The following KPNA7 variants were observed in gnomAD, a reference collection of about 807,000 sequenced individuals.
The protein encoded by KPNA7 is importin subunit alpha-8.
Under a neutral mutation model 53.7 loss-of-function variants are expected in KPNA7, and 54 were observed. The observed-to-expected ratio is 1.01, with a 90% CI of 0.81 to 1.26. The LOEUF (loss-of-function observed/expected upper bound fraction) is 1.26, where lower values mean the gene tolerates loss of function less well. KPNA7 is among the 50% of genes most tolerant of loss of function. The pLI, the probability that KPNA7 is intolerant of heterozygous loss-of-function variation, is 0.00. For synonymous variants in KPNA7, 276 were observed against 259.3 expected, an observed-to-expected ratio of 1.06 and a Z score of -0.62; for missense variants, 640 against 644.5, an observed-to-expected ratio of 0.99 and a Z score of 0.07.
At chr7:99,158,990 G>A in the KPNA7 span, among the ~76,000 whole-genome samples, 6 of 151,606 alleles carry the variant, frequency 4.0e-5, no homozygotes, top group African/African-American at 1.2e-4. Context: ...TCAGCCTCCC[G>A]AGTAGTTGGG....
intron 3 of KPNA7, among the ~76,000 whole-genome samples, chr7:99,199,064 T>TG (rs1554469487): frequency 4.1e-4 from 14 of 34,366 alleles, no homozygotes; most frequent in African/African-American, 6.5e-4. Flanking sequence ...TGCTGCAAAC[T>TG]GAAAAAAAAA....
chr7:99,150,726 G>A, the KPNA7 span, among the ~76,000 whole-genome samples: 1 of 152,056 alleles, frequency 6.6e-6, no homozygotes, highest in Non-Finnish European at 1.5e-5. Flanking sequence ...AGACATTCTT[G>A]TACTCATCAA....
chr7:99,200,257 C>T (rs1302616385), intron 3 of KPNA7, among the ~76,000 whole-genome samples: 1 of 151,986 alleles, frequency 6.6e-6, no homozygotes, highest in Non-Finnish European at 1.5e-5. Flanking sequence ...AGGCTGGTCT[C>T]GAACTCCTCA....
the KPNA7 span, among the ~76,000 whole-genome samples, chr7:99,152,222 C>A: frequency 5.3e-5 from 8 of 151,778 alleles, no homozygotes; most frequent in Non-Finnish European, 1.2e-4. Flanking sequence ...ATTAGCCAGG[C>A]GTGGTGGCAG....
chr7:99,185,054 T>C lies in KPNA7; in HGVS notation c.1009A>G (p.Asn337Asp), dbSNP rs867733954. The C allele has an allele frequency of 6.4e-7, 1 of 1,551,920 alleles. No individual in the cohort carries two copies. The highest frequency in any genetic ancestry group is 1.4e-5 in the African/African-American group (1 of 73,182). The change falls in exon 8 of 11, where the codon AAC (asparagine) becomes GAC (aspartate). Residue 337 changes from asparagine to aspartate, a missense_variant. Physicochemically the swap from Asn to Asp is conservative, Grantham distance 23 (BLOSUM62 1). Transcript: ENST00000327442. Reference protein sequence around the residue: ...LNVLPQLLQHNKPSIQKEAAW... With the variant: ...LNVLPQLLQHDKPSIQKEAAW... ...GCCTCCTTCTGGATGGAGGGCTTGTTGTGTTGCAGGAGCTGGGGGAGCACG... is the reference window on the plus strand; with the variant it reads ...GCCTCCTTCTGGATGGAGGGCTTGTCGTGTTGCAGGAGCTGGGGGAGCACG...
At chr7:99,184,829 C>G in intron 8 of KPNA7, 100 bp downstream of exon 8, 1 of 980,758 alleles carries the variant, frequency 1.0e-6, no homozygotes, top group Non-Finnish European at 1.6e-6. Flanking sequence ...CTGCTGTGAT[C>G]TCAATTTGCT....
the KPNA7 span, among the ~76,000 whole-genome samples, chr7:99,148,734 G>C: frequency 3.3e-5 from 5 of 152,066 alleles, no homozygotes; most frequent in Non-Finnish European, 7.4e-5. Flanking sequence ...TGGGACTACA[G>C]GCATGTGCCA....
chr7:99,171,080 C>T (rs1351599528), downstream of KPNA7, among the ~76,000 whole-genome samples: 4 of 152,160 alleles, frequency 2.6e-5, no homozygotes, highest in South Asian at 2.1e-4. Context: ...ATTAGCTGGG[C>T]GTGTTCGCGG....
the KPNA7 span, among the ~76,000 whole-genome samples, chr7:99,159,520 C>A: frequency 1.3e-5 from 2 of 152,120 alleles, no homozygotes; most frequent in African/African-American, 4.8e-5. Context: ...CAGAACTCCC[C>A]ATGGACCTAT....
intron 6 of KPNA7, among the ~76,000 whole-genome samples, chr7:99,192,295 A>T (rs763012044): frequency 2.0e-5 from 3 of 152,196 alleles, no homozygotes; most frequent in Non-Finnish European, 4.4e-5. Flanking sequence ...TCTATTTTGC[A>T]AGATGGCAAG....
intron 5 of KPNA7, among the ~76,000 whole-genome samples, chr7:99,194,837 T>C (rs922562408): frequency 1.3e-5 from 2 of 152,120 alleles, no homozygotes; most frequent in African/African-American, 4.8e-5. Flanking sequence ...ACTCCTGACC[T>C]CAAGTGATCC....
rs1219968244 is a variant in KPNA7 at position 99,208,045 on chromosome 7, A to G, written c.-41T>C. Among the ~76,000 whole-genome samples the G allele has an allele frequency of 2.0e-5, 3 of 152,032 alleles. No homozygotes were observed. Among genetic ancestry groups the G allele is most frequent in the Non-Finnish European group, 4.4e-5 (3 of 68,014 alleles). On this transcript the variant is annotated 5_prime_UTR_variant, in exon 1 of 11. Transcript: ENST00000327442. ...GGCTCAACCTGGCAGCAAGAACAAC[A>G]GTCTGGACTTCTCAGCTCCATGTCC... is the stretch of plus-strand genomic sequence containing the variant.
downstream of KPNA7, chr7:99,173,561 A>G (rs1032879627): frequency 1.9e-5 from 11 of 576,390 alleles, no homozygotes; most frequent in African/African-American, 1.7e-4. Context: ...TGAAGTTCAG[A>G]TAGAGAAACG....
intron 5 of KPNA7, among the ~76,000 whole-genome samples, chr7:99,193,924 C>T (rs1790094652): frequency 6.6e-6 from 1 of 152,142 alleles, no homozygotes; most frequent in Admixed American, 6.6e-5. Context: ...GCCATCCTCC[C>T]ACCTCTGCCT....
intron 10 of KPNA7, among the ~76,000 whole-genome samples, chr7:99,177,148 C>T (rs1798934450): frequency 6.6e-6 from 1 of 152,146 alleles, no homozygotes. Flanking sequence ...TGTACAATTC[C>T]ACTCATGAGG....
intron 7 of KPNA7, among the ~76,000 whole-genome samples, chr7:99,187,799 TAAA>T (rs55867906): frequency 4.1e-4 from 27 of 65,094 alleles, no homozygotes; most frequent in African/African-American, 1.9e-3. Flanking sequence ...CCTTTTTTTT[TAAA>T]AAAAAAAAAA....
intron 1 of KPNA7, among the ~76,000 whole-genome samples, chr7:99,215,167 T>C (rs536078290): frequency 1.3e-5 from 2 of 151,142 alleles, no homozygotes; most frequent in Non-Finnish European, 3.0e-5. Flanking sequence ...AGGTCAGGAG[T>C]TCGAGACCAG....
chr7:99,216,559 C>T (rs991502162), intron 1 of KPNA7, among the ~76,000 whole-genome samples: 1 of 47,208 alleles, frequency 2.1e-5, no homozygotes, highest in Non-Finnish European at 6.3e-5. Flanking sequence ...AGCTTCTTAC[C>T]AACACCCTCT....
intron 8 of KPNA7, among the ~76,000 whole-genome samples, chr7:99,183,261 T>C (rs543274570): frequency 6.6e-6 from 1 of 152,092 alleles, no homozygotes; most frequent in East Asian, 1.9e-4. Flanking sequence ...CCAATAATAA[T>C]AATAATTGCT....
Sources: gnomAD v4.1 joint callset for allele counts (sites outside exome capture counted in the v4.1 genomes callset) on GRCh38, gnomAD v4.1.1 for gene constraint, MANE v1.5 for transcripts, NCBI Gene and HGNC (gene_info 2026-07-23, HGNC 2026-07-21) for gene names.